AUTS2: variants seen among roughly 807,000 people sequenced by gnomAD.
The protein encoded by AUTS2 is autism susceptibility gene 2 protein.
AUTS2 carries 17 observed loss-of-function variants against 112.4 expected under a neutral mutation model. The ratio of observed to expected loss-of-function variants is 0.15; its 90% CI spans 0.10 to 0.23. The LOEUF (loss-of-function observed/expected upper bound fraction) is 0.23, where lower values mean the gene tolerates loss of function less well. Among genes scored for constraint, AUTS2 ranks in the 10% least tolerant of loss-of-function variants. The pLI is 1.00. For synonymous variants in AUTS2, 751 were observed against 702.7 expected, an observed-to-expected ratio of 1.07 and a Z score of -1.09; for missense variants, 1,510 against 1,701.6, an observed-to-expected ratio of 0.89 and a Z score of 1.98.
chr7:69,914,356 GACACACACACACACACACACAC>G (rs66527808), intron 2 of AUTS2, among the ~76,000 whole-genome samples: 38 of 136,004 alleles, frequency 2.8e-4, no homozygotes, highest in Non-Finnish European at 5.4e-4. Flanking sequence ...CACACACACA[GACACACACACACACACACACAC>G]ACACACACAC....
rs570506468 is a variant in AUTS2, at chr7:70,651,075, G to C, written c.691-47494G>C. ...CTGATATGAGTAATGATCAACTACAGTTATTGAGCACTTGCTGTTTGAGAT... is the reference window on the plus strand; with the variant it reads ...CTGATATGAGTAATGATCAACTACACTTATTGAGCACTTGCTGTTTGAGAT... On this transcript the variant is annotated intron_variant, in intron 5 of 18. Transcript: ENST00000342771. Among the ~76,000 whole-genome samples, 5 of 152,318 alleles carry C rather than the reference G, an allele frequency of 3.3e-5. No homozygotes were observed. In the South Asian group the frequency reaches 1.0e-3, roughly 32 times the overall value.
At chr7:70,279,842 C>A (rs1458071105) in intron 4 of AUTS2, among the ~76,000 whole-genome samples, 1 of 152,184 alleles carries the variant, frequency 6.6e-6, no homozygotes, top group African/African-American at 2.4e-5. Context: ...CTATAGCTAT[C>A]TGATGCCCCC....
At chr7:70,609,580 GTT>G (rs773394729) in intron 5 of AUTS2, among the ~76,000 whole-genome samples, 7,692 of 143,792 alleles carry the variant, frequency 0.053, 532 homozygotes, top group African/African-American at 0.17. Context: ...TTTTTGTTTT[GTT>G]TTTTTTTTTT....
At chr7:70,077,931 C>G (rs1584685566) in intron 2 of AUTS2, among the ~76,000 whole-genome samples, 1 of 152,178 alleles carries the variant, frequency 6.6e-6, no homozygotes. Context: ...TAGTCATTTG[C>G]TGTCATCATA....
chr7:70,397,437 C>A (rs2158507), intron 4 of AUTS2, among the ~76,000 whole-genome samples: 68,970 of 151,750 alleles, frequency 0.45, 16,954 homozygotes, highest in African/African-American at 0.65. Context: ...CTAATGACTA[C>A]TGATATTGAG....
intron 5 of AUTS2, among the ~76,000 whole-genome samples, chr7:70,528,421 G>C (rs1445941562): frequency 6.6e-6 from 1 of 152,138 alleles, no homozygotes; most frequent in Non-Finnish European, 1.5e-5. Flanking sequence ...AGAGGTAAGA[G>C]CATGAAGTAT....
At chr7:70,764,050 GC>G (rs1192765666) in intron 7 of AUTS2, among the ~76,000 whole-genome samples, 5 of 152,296 alleles carry the variant, frequency 3.3e-5, no homozygotes, top group African/African-American at 1.2e-4. Flanking sequence ...GAGCCCTGGT[GC>G]CCCGGGGGCT....
At chr7:70,767,015 AT>A (rs34794536) in intron 9 of AUTS2, among the ~76,000 whole-genome samples, 6 of 151,738 alleles carry the variant, frequency 4.0e-5, no homozygotes, top group African/African-American at 1.2e-4. Flanking sequence ...CCAGTGAGGA[AT>A]TTTTTTTTAA....
At chr7:70,052,543 C>G (rs1801803717) in intron 2 of AUTS2, among the ~76,000 whole-genome samples, 2 of 152,148 alleles carry the variant, frequency 1.3e-5, no homozygotes, top group African/African-American at 4.8e-5. Flanking sequence ...GCTGAGGTAG[C>G]AGGCAAAGGA....
chr7:70,538,602 CAGG>C (rs1268962610), intron 5 of AUTS2, among the ~76,000 whole-genome samples: 1 of 152,156 alleles, frequency 6.6e-6, no homozygotes, highest in Non-Finnish European at 1.5e-5. Flanking sequence ...TCTTTAATAT[CAGG>C]AGGAAGCGTT....
intron 4 of AUTS2, among the ~76,000 whole-genome samples, chr7:70,163,356 GGGC>G (rs1808211514): frequency 1.3e-5 from 1 of 77,222 alleles, no homozygotes; most frequent in Non-Finnish European, 3.1e-5. Flanking sequence ...GGGGGGGGGG[GGGC>G]AGAGGGGGAG....
intron 2 of AUTS2, among the ~76,000 whole-genome samples, chr7:69,982,752 C>T (rs1418440162): frequency 6.6e-6 from 1 of 152,192 alleles, no homozygotes; most frequent in East Asian, 1.9e-4. Context: ...GTGTGTTACT[C>T]TTGGCAGAGG....
At chr7:69,963,861 C>T (rs1360550914) in intron 2 of AUTS2, among the ~76,000 whole-genome samples, 2 of 152,118 alleles carry the variant, frequency 1.3e-5, no homozygotes. Flanking sequence ...ATGCATTGTA[C>T]TCTCTCCTGT....
rs570202134 is a variant in AUTS2, at chr7:70,397,061, TTTA to T, written c.661-38685_661-38683del. Among the ~76,000 whole-genome samples the T allele has an allele frequency of 3.2e-3, 457 of 144,780 alleles. 4 individuals are homozygous for T. Among genetic ancestry groups the T allele is most frequent in the African/African-American group, 0.011 (434 of 39,382 alleles). 95.0% of individuals were successfully genotyped at this position (144,780 alleles called of 152,430 possible). ...TATGTCTTTTCATTTTAGCCATTCT[TTTA>T]TTATTTTTTTTTTTTTGAGATGGAA... On this transcript the variant is annotated intron_variant, in intron 4 of 18. Transcript: ENST00000342771.
chr7:70,787,283 C>T lies in AUTS2; in HGVS notation c.2383C>T (p.Arg795Trp), dbSNP rs779121870. The stretch of plus-strand genomic sequence containing the variant: ...TAGCAACCCTCACGAACCCTGGAAC[C>T]GGCTGCACCGAACGCCTCCGTCGTT... ...NFSNPHEPWN[R>W]LHRTPPSFPT... Residue 795 changes from arginine to tryptophan, a missense_variant, in exon 18 of 19, where the codon CGG becomes TGG. By Grantham distance (101) the Arg-to-Trp change is moderately radical. Transcript: ENST00000342771. 2.5e-6 allele frequency: 4 copies of T among 1,614,222 alleles called. No homozygotes were observed. Among genetic ancestry groups the T allele is most frequent in the East Asian group, 4.5e-5 (2 of 44,884 alleles).
intron 4 of AUTS2, among the ~76,000 whole-genome samples, chr7:70,425,405 G>A (rs1225343524): frequency 6.6e-6 from 1 of 152,182 alleles, no homozygotes; most frequent in Admixed American, 6.5e-5. Flanking sequence ...TGCTGGCTGT[G>A]CCTTTCCTTC....
chr7:70,677,286 T>C (rs1807964128), intron 5 of AUTS2, among the ~76,000 whole-genome samples: 2 of 152,190 alleles, frequency 1.3e-5, no homozygotes, highest in Admixed American at 1.3e-4. Flanking sequence ...CATTTGCAAC[T>C]TATCTGCAAA....
chr7:70,447,622 TGCTCTTAGCCGCTAA>T (rs1796369648), intron 5 of AUTS2, among the ~76,000 whole-genome samples: 1 of 152,204 alleles, frequency 6.6e-6, no homozygotes, highest in Non-Finnish European at 1.5e-5. Context: ...AGTGTGGCAG[TGCTCTTAGCCGCTAA>T]GCTGGACTCT....
At chr7:70,562,904 G>A (rs1801550059) in intron 5 of AUTS2, among the ~76,000 whole-genome samples, 2 of 152,164 alleles carry the variant, frequency 1.3e-5, no homozygotes, top group Non-Finnish European at 2.9e-5. Flanking sequence ...TTGAAATGAC[G>A]AGAAATGTTG....
Sources: allele counts gnomAD v4.1 joint callset (sites outside exome capture counted in the v4.1 genomes callset), GRCh38; gene constraint gnomAD v4.1.1; transcripts MANE v1.5; gene names NCBI Gene and HGNC (gene_info 2026-07-23, HGNC 2026-07-21).